NBEA: variants seen among roughly 807,000 people sequenced by gnomAD.
NBEA encodes the protein neurobeachin.
Under a neutral mutation model 343.4 loss-of-function variants are expected in NBEA, and 44 were observed. The observed-to-expected ratio is 0.13, with a 90% confidence interval of 0.10 to 0.16. NBEA has a LOEUF of 0.16. NBEA is among the 10% of genes least tolerant of loss of function. The pLI, the probability that NBEA is intolerant of heterozygous loss-of-function variation, is 1.00. For synonymous variants in NBEA, 1,175 were observed against 1,238.7 expected (o/e 0.95, Z 1.08); for missense variants, 2,555 against 3,631.3 (o/e 0.70, Z 7.62).
At chr13:35,658,861 G>T (rs2084938336) in intron 55 of NBEA, among the ~76,000 whole-genome samples, 2 of 152,038 alleles carry the variant, frequency 1.3e-5, no homozygotes, top group African/African-American at 4.8e-5. Flanking sequence ...CCTGACTAGG[G>T]CAACCATCTG....
intron 44 of NBEA, among the ~76,000 whole-genome samples, chr13:35,566,271 G>A (rs2080132012): frequency 6.6e-6 from 1 of 152,190 alleles, no homozygotes; most frequent in Non-Finnish European, 1.5e-5. Context: ...TGAGGCAGGA[G>A]AATCGCTTGA....
chr13:35,002,712 A>G (rs1179996208), intron 1 of NBEA, among the ~76,000 whole-genome samples: 1 of 152,204 alleles, frequency 6.6e-6, no homozygotes, highest in African/African-American at 2.4e-5. Context: ...ATTACAATCA[A>G]CACATCTTTT....
intron 55 of NBEA, among the ~76,000 whole-genome samples, chr13:35,664,140 C>T (rs1427166032): frequency 2.0e-5 from 3 of 152,182 alleles, no homozygotes; most frequent in Non-Finnish European, 4.4e-5. Context: ...AGCAGCAGTC[C>T]AGCTAGCCAG....
chr13:35,270,619 C>T (rs2034056337), intron 34 of NBEA, among the ~76,000 whole-genome samples: 1 of 152,168 alleles, frequency 6.6e-6, no homozygotes, highest in Non-Finnish European at 1.5e-5. Flanking sequence ...TGGTACACGC[C>T]TGCCCAAATA....
chr13:35,071,501 A>G (rs940769129), intron 10 of NBEA, among the ~76,000 whole-genome samples: 1 of 152,042 alleles, frequency 6.6e-6, no homozygotes, highest in Non-Finnish European at 1.5e-5. Context: ...TTAATGTTAT[A>G]TCTTAGAATT....
chr13:35,617,155 A>C (rs2082772298), intron 48 of NBEA, among the ~76,000 whole-genome samples: 1 of 152,226 alleles, frequency 6.6e-6, no homozygotes, highest in South Asian at 2.1e-4. Flanking sequence ...GTAAGTTCCA[A>C]CTTGTGTTCA....
chr13:35,330,972 T>G (rs776680923), intron 36 of NBEA, among the ~76,000 whole-genome samples: 1 of 151,960 alleles, frequency 6.6e-6, no homozygotes, highest in Admixed American at 6.6e-5. Context: ...AAAAAAAGTT[T>G]GATTAGTAGC....
chr13:34,970,544 A>C (rs1300090654), intron 1 of NBEA, among the ~76,000 whole-genome samples: 1 of 151,876 alleles, frequency 6.6e-6, no homozygotes, highest in African/African-American at 2.4e-5. Flanking sequence ...ATACATCTTG[A>C]GTTTATTTTT....
intron 38 of NBEA, among the ~76,000 whole-genome samples, chr13:35,387,585 A>G (rs188211666): frequency 6.6e-6 from 1 of 152,286 alleles, no homozygotes; most frequent in East Asian, 1.9e-4. Flanking sequence ...TTTGATTAAC[A>G]GCACAGGAAA....
chr13:35,150,591 G>A (rs1296245757), intron 18 of NBEA, among the ~76,000 whole-genome samples: 1 of 152,128 alleles, frequency 6.6e-6, no homozygotes, highest in Non-Finnish European at 1.5e-5. Flanking sequence ...CATCAACCAG[G>A]TTGTGTACTC....
At chr13:34,943,616 G>C (rs929468064) in intron 1 of NBEA, among the ~76,000 whole-genome samples, 9 of 152,204 alleles carry the variant, frequency 5.9e-5, no homozygotes, top group Non-Finnish European at 1.3e-4. Context: ...GAAGGAGACA[G>C]AAAATGATGC....
At chr13:35,211,277 G>T in intron 33 of NBEA, 98 bp downstream of exon 33, 2 of 1,059,606 alleles carry the variant, frequency 1.9e-6, no homozygotes, top group East Asian at 2.7e-5. Context: ...TGAGAATGAA[G>T]GTTAATTATT....
chr13:35,517,935 T>A (rs1338080531), intron 41 of NBEA, among the ~76,000 whole-genome samples: 2 of 152,214 alleles, frequency 1.3e-5, no homozygotes, highest in Admixed American at 1.3e-4. Context: ...CAAGTATTTT[T>A]AAAATATTTT....
At chr13:35,480,738 T>C (rs1265461603) in intron 41 of NBEA, among the ~76,000 whole-genome samples, 5 of 152,060 alleles carry the variant, frequency 3.3e-5, no homozygotes, top group African/African-American at 1.2e-4. Flanking sequence ...AATATATTTC[T>C]TTTTTTACAC....
intron 38 of NBEA, among the ~76,000 whole-genome samples, chr13:35,376,259 A>G (rs1031266255): frequency 2.0e-5 from 3 of 152,148 alleles, no homozygotes; most frequent in Non-Finnish European, 2.9e-5. Context: ...GTTCATTGAT[A>G]TGATTTCCTT....
rs185211050 is a variant in NBEA, at chr13:35,213,764, A to C, written c.5648+2585A>C. Among the ~76,000 whole-genome samples the C allele has an allele frequency of 4.6e-5, 7 of 152,038 alleles. No individual in the cohort carries two copies. In the East Asian group the frequency reaches 1.2e-3, roughly 25 times the overall value. On this transcript the variant is annotated intron_variant, in intron 33 of 58. Transcript: ENST00000379939. Reference sequence around the variant, plus strand: ...CTGAAACTATTTGTTTATATTGTTCAAACTCAATAAAAAACACTCATTTTG... The same window carrying C: ...CTGAAACTATTTGTTTATATTGTTCCAACTCAATAAAAAACACTCATTTTG...
intron 11 of NBEA, among the ~76,000 whole-genome samples, chr13:35,107,779 G>A (rs530694373): frequency 1.3e-5 from 2 of 151,882 alleles, no homozygotes; most frequent in African/African-American, 4.8e-5. Context: ...CTACCTTTAA[G>A]GTAAAGGAAA....
intron 8 of NBEA, among the ~76,000 whole-genome samples, chr13:35,062,756 T>G (rs934787755): frequency 6.6e-6 from 1 of 151,930 alleles, no homozygotes; most frequent in African/African-American, 2.4e-5. Flanking sequence ...AAAATATTCT[T>G]TAAGTCTTTT....
At chr13:35,205,228 C>T (rs2073306136) in intron 31 of NBEA, among the ~76,000 whole-genome samples, 1 of 152,078 alleles carries the variant, frequency 6.6e-6, no homozygotes, top group South Asian at 2.1e-4. Flanking sequence ...ATAGTTCTTA[C>T]AAACTCATAA....
Sources: gnomAD v4.1 joint callset for allele counts (sites outside exome capture counted in the v4.1 genomes callset) on GRCh38, gnomAD v4.1.1 for gene constraint, MANE v1.5 for transcripts, NCBI Gene and HGNC (gene_info 2026-07-23, HGNC 2026-07-21) for gene names.